QSOX2: variants seen among roughly 807,000 people sequenced by gnomAD.
The protein encoded by QSOX2 is quiescin sulfhydryl oxidase 2, also known as sulfhydryl oxidase 2.
A neutral mutation model predicts 61.7 loss-of-function variants in QSOX2; 46 were observed. The ratio of observed to expected loss-of-function variants is 0.75; its 90% CI spans 0.59 to 0.95. QSOX2 has a LOEUF of 0.95. QSOX2 is among the 40% of genes least tolerant of loss of function. The pLI, the probability that QSOX2 is intolerant of heterozygous loss-of-function variation, is 0.00. For missense variants in QSOX2, 879 were observed against 918.9 expected (o/e 0.96, Z 0.56); for synonymous variants, 383 against 388.4 (o/e 0.99, Z 0.16).
At chr9:136,241,479 A>G (rs994011253) in intron 1 of QSOX2, among the ~76,000 whole-genome samples, 1 of 152,172 alleles carries the variant, frequency 6.6e-6, no homozygotes, top group Non-Finnish European at 1.5e-5. Context: ...GGGACAGAGG[A>G]GCTGGCAGCA....
At position 136,221,747 on chromosome 9, in the gene QSOX2, C is replaced by T. The variant is rs747835038; in HGVS notation, c.821+49G>A. Reference sequence around the variant, plus strand: ...GCACTGTCTACTCGGAGCCTCTGTCCGGTAACTCCGAGCGGCACGGAGTTC... The same window carrying T: ...GCACTGTCTACTCGGAGCCTCTGTCTGGTAACTCCGAGCGGCACGGAGTTC... On this transcript the variant is annotated intron_variant, in intron 6 of 11. Transcript: ENST00000358701. This position sits in a 1 kb window ranked among gnomAD's most constrained non-coding sequence, Gnocchi z 4.5. 1.6e-5 allele frequency: 25 copies of T among 1,531,748 alleles called. No individual in the cohort carries two copies. In the African/African-American group the frequency reaches 1.9e-4, roughly 12 times the overall value. The allele number at this position is 1,531,748 out of a possible 1,614,324, so 94.9% of individuals were successfully genotyped here.
rs563891508 is a variant in QSOX2 at position 136,216,630 on chromosome 9, G to A, written c.1179C>T (p.Ala393=). 1.4e-5 allele frequency: 22 copies of A among 1,613,924 alleles called. No individual in the cohort carries two copies. Among genetic ancestry groups the A allele is most frequent in the Admixed American group, 1.3e-4 (8 of 60,020 alleles). The part of the protein sequence containing the change: ...SLPLDRIPYN[A]VLDLVNNKMR... ...TCTTGTTGTTGACCAGGTCAAGCAC[G>A]GCGTTGTAGGGGATCCTGTCCAGGG... The change falls in exon 9 of 12, where the codon GCC becomes GCT. Residue 393 remains alanine (A), a synonymous_variant. Transcript: ENST00000358701.
intron 11 of QSOX2, chr9:136,210,504 C>T (rs1460973542): frequency 7.1e-6 from 7 of 985,324 alleles, no homozygotes; most frequent in African/African-American, 3.5e-5. Context: ...TGGGCGGCGG[C>T]GATGCAGAGG....
chr9:136,236,105 C>T (rs1451561006), intron 1 of QSOX2, among the ~76,000 whole-genome samples: 1 of 152,202 alleles, frequency 6.6e-6, no homozygotes, highest in Non-Finnish European at 1.5e-5. Flanking sequence ...CCAGTCTAGA[C>T]TCTGCAAGCC....
At chr9:136,232,707 G>C (rs1294344121) in intron 1 of QSOX2, among the ~76,000 whole-genome samples, 5 of 152,050 alleles carry the variant, frequency 3.3e-5, no homozygotes, top group Non-Finnish European at 7.4e-5. Flanking sequence ...GCTGAGGCCG[G>C]TGGATCACTT....
At chr9:136,241,839 T>C (rs1466188505) in intron 1 of QSOX2, among the ~76,000 whole-genome samples, 1 of 152,182 alleles carries the variant, frequency 6.6e-6, no homozygotes, top group Non-Finnish European at 1.5e-5. Flanking sequence ...TGCCCTGTTT[T>C]CTCAGGCTGA....
At position 136,210,775 on chromosome 9, in the gene QSOX2, G is replaced by C. The variant is rs1831834475; in HGVS notation, c.1549+489C>G. 3 of 985,100 alleles carry C rather than the reference G, an allele frequency of 3.0e-6. No homozygotes were observed. The Admixed American group carries it at 1.8e-4, about 61-fold the overall frequency. The allele number at this position is 985,100 out of a possible 1,614,324, so 61.0% of individuals were successfully genotyped here. A position where few individuals can be genotyped will look rare whatever the true frequency, so the allele number is the denominator to read the frequency against. On this transcript the variant is annotated intron_variant, in intron 11 of 11. Coordinates refer to ENST00000358701, the MANE Select transcript of QSOX2 (RefSeq NM_181701.4). Reference sequence around the variant, plus strand: ...TTAAGCCTAATTTTAATCTGCCACTGATTTAGGAACAGTTTGAAGTACTTA... The same window carrying C: ...TTAAGCCTAATTTTAATCTGCCACTCATTTAGGAACAGTTTGAAGTACTTA...
intron 7 of QSOX2, 22 bp downstream of exon 7, chr9:136,219,008 T>C: frequency 6.2e-7 from 1 of 1,613,326 alleles, no homozygotes; most frequent in Non-Finnish European, 8.5e-7. Context: ...TCCGGGGGCT[T>C]CAGTTCAAGA....
intron 1 of QSOX2, among the ~76,000 whole-genome samples, chr9:136,233,112 C>T (rs1280613760): frequency 6.6e-6 from 1 of 152,096 alleles, no homozygotes; most frequent in Non-Finnish European, 1.5e-5. Flanking sequence ...TGTGCACACG[C>T]TGCCGGGTGT....
chr9:136,226,497 G>A (rs1830282593), intron 2 of QSOX2, among the ~76,000 whole-genome samples: 1 of 152,210 alleles, frequency 6.6e-6, no homozygotes, highest in South Asian at 2.1e-4. Flanking sequence ...GCAGGCTGCA[G>A]GGGGTCTTTT....
chr9:136,210,769 G>T lies in QSOX2; in HGVS notation c.1549+495C>A, dbSNP rs191539911. On this transcript the variant is annotated intron_variant, in intron 11 of 11. Transcript: ENST00000358701. Reference sequence around the variant, plus strand: ...TTATTTTTAAGCCTAATTTTAATCTGCCACTGATTTAGGAACAGTTTGAAG... The same window carrying T: ...TTATTTTTAAGCCTAATTTTAATCTTCCACTGATTTAGGAACAGTTTGAAG... 2.2e-5 allele frequency: 22 copies of T among 985,186 alleles called. No homozygotes were observed. The East Asian group carries it at 2.4e-3, about 107-fold the overall frequency. 61.0% of individuals were successfully genotyped at this position (985,186 alleles called of 1,614,324 possible). A position where few individuals can be genotyped will look rare whatever the true frequency, so the allele number is the denominator to read the frequency against.
intron 1 of QSOX2, among the ~76,000 whole-genome samples, chr9:136,231,670 T>C (rs1051265851): frequency 2.0e-5 from 3 of 152,158 alleles, no homozygotes; most frequent in African/African-American, 7.2e-5. Flanking sequence ...CACTGATCGC[T>C]CCTTACCCAG....
chr9:136,212,758 A>C (rs1831862359), intron 10 of QSOX2, among the ~76,000 whole-genome samples: 4 of 152,262 alleles, frequency 2.6e-5, no homozygotes. Flanking sequence ...AGTGGACAAG[A>C]ACCATAAACC....
At chr9:136,227,513 A>G (rs971823847) in intron 1 of QSOX2, among the ~76,000 whole-genome samples, 1 of 152,248 alleles carries the variant, frequency 6.6e-6, no homozygotes, top group Non-Finnish European at 1.5e-5. Context: ...CAAATAAAAT[A>G]GAGATAAAAA....
chr9:136,225,879 T>C (rs182745223), intron 2 of QSOX2, among the ~76,000 whole-genome samples: 23 of 152,282 alleles, frequency 1.5e-4, no homozygotes, highest in Non-Finnish European at 2.9e-4. Flanking sequence ...GTGAACTGTG[T>C]CTGAAGCAAA....
chr9:136,229,308 G>C (rs1007973722), intron 1 of QSOX2, among the ~76,000 whole-genome samples: 4 of 152,164 alleles, frequency 2.6e-5, no homozygotes, highest in Admixed American at 2.6e-4. Flanking sequence ...CGCAGCAGAC[G>C]GCACGGGACG....
intron 1 of QSOX2, among the ~76,000 whole-genome samples, chr9:136,241,877 G>C (rs1176570021): frequency 6.6e-6 from 1 of 152,256 alleles, no homozygotes; most frequent in East Asian, 1.9e-4. Flanking sequence ...GAGGGAACAG[G>C]CACCAGGGCC....
rs1831777266 is a variant in QSOX2, at chr9:136,207,293, CAT to C, written c.*1433_*1434del. 1.3e-5 allele frequency: 2 copies of C among 152,186 alleles called. No individual in the cohort carries two copies. The highest frequency in any genetic ancestry group is 2.1e-4 in the South Asian group (1 of 4,814). 9.4% of individuals were successfully genotyped at this position (152,186 alleles called of 1,614,324 possible). On this transcript the variant is annotated 3_prime_UTR_variant, in exon 12 of 12. Coordinates refer to ENST00000358701, the MANE Select transcript of QSOX2 (RefSeq NM_181701.4). ...CATGTCATCAACTTGTTAGTAAACACATGATTATACAACATAAAGTAGGCAAA... is the reference window on the plus strand; with the variant it reads ...CATGTCATCAACTTGTTAGTAAACACGATTATACAACATAAAGTAGGCAAA...
Position 136,209,065 on chromosome 9 carries a change from C to A in QSOX2, c.1760G>T (p.Gly587Val). The change falls in exon 12 of 12, where the codon GGT (glycine) becomes GTT (valine). Residue 587 changes from glycine to valine, a missense_variant. Transcript: ENST00000358701. The surrounding 1 kb of genome is among the most constrained non-coding windows in gnomAD (Gnocchi z 5.6). The part of the protein sequence containing the change: ...DSSEGGTLAR[G>V]EEEEKRLTPP... ...AGTGAGTCTTTTCTCCTCTTCCTCA[C>A]CCCTGGCCAGGGTTCCTCCTTCACT... The A allele has an allele frequency of 2.5e-6, 4 of 1,614,162 alleles. No individual in the cohort carries two copies. Among genetic ancestry groups the A allele is most frequent in the Non-Finnish European group, 2.5e-6 (3 of 1,180,012 alleles).
Sources: gnomAD v4.1 joint callset for allele counts (sites outside exome capture counted in the v4.1 genomes callset) on GRCh38, gnomAD v4.1.1 for gene constraint, Gnocchi (gnomAD v3.1) non-coding constraint, MANE v1.5 for transcripts, NCBI Gene and HGNC (gene_info 2026-07-23, HGNC 2026-07-21) for gene names.